The following CDK1 variants were observed in gnomAD, a reference collection of about 807,000 sequenced individuals.
CDK1 encodes cyclin-dependent kinase 1.
Under a neutral mutation model 34.6 loss-of-function variants are expected in CDK1, and 5 were observed. The observed-to-expected ratio is 0.14, with a 90% CI of 0.08 to 0.30. CDK1 has a LOEUF of 0.30. Among genes scored for constraint, CDK1 ranks in the 10% least tolerant of loss-of-function variants. CDK1 has a pLI of 1.00. For missense variants in CDK1, 157 were observed against 345.7 expected (o/e 0.45, Z 4.33); for synonymous variants, 108 against 114.7 (o/e 0.94, Z 0.37).
chr10:60,791,678 T>G (rs1314846917), intron 5 of CDK1, among the ~76,000 whole-genome samples: 1 of 152,144 alleles, frequency 6.6e-6, no homozygotes, highest in East Asian at 1.9e-4. Flanking sequence ...AAAAAATATT[T>G]ATTATGCTTT....
Position 60,788,045 on chromosome 10 carries a change from A to T in CDK1, c.319-15A>T. The T allele has an allele frequency of 7.6e-7, 1 of 1,320,516 alleles. No homozygotes were observed. The highest frequency in any genetic ancestry group is 2.2e-5 in the South Asian group (1 of 45,962). The allele number at this position is 1,320,516 out of a possible 1,614,324, so 81.8% of individuals were successfully genotyped here. On this transcript the variant is annotated splice_polypyrimidine_tract_variant and intron_variant, in intron 4 of 7. Transcript: ENST00000395284. Reference sequence around the variant, plus strand: ...TACTTCGCTTAAGTTTCTAACTTTTACTTGCTTTTTCCAGAGTTATTTATA... The same window carrying T: ...TACTTCGCTTAAGTTTCTAACTTTTTCTTGCTTTTTCCAGAGTTATTTATA...
chr10:60,780,366 C>G (rs1417312617), intron 2 of CDK1, among the ~76,000 whole-genome samples, 164 bp downstream of exon 2: 1 of 152,166 alleles, frequency 6.6e-6, no homozygotes, highest in Non-Finnish European at 1.5e-5. Context: ...CAAATTTGCT[C>G]ACATTTCAAG....
At chr10:60,791,857 A>G (rs776025071) in intron 5 of CDK1, 33 bp from the exon 6 acceptor site, 5 of 1,349,150 alleles carry the variant, frequency 3.7e-6, no homozygotes, top group Non-Finnish European at 4.2e-6. Flanking sequence ...TATGCACCAC[A>G]TTTATTCATT....
chr10:60,779,069 G>A (rs1322873814), intron 1 of CDK1, among the ~76,000 whole-genome samples: 1 of 152,200 alleles, frequency 6.6e-6, no homozygotes, highest in Non-Finnish European at 1.5e-5. Flanking sequence ...CCTGGAACTC[G>A]TGGGCCTTCT....
At chr10:60,778,963 G>A (rs924999009) in intron 1 of CDK1, among the ~76,000 whole-genome samples, 13 of 152,288 alleles carry the variant, frequency 8.5e-5, no homozygotes, top group Non-Finnish European at 2.9e-5. Flanking sequence ...GCCCCTGCGC[G>A]CCCTGCCATC....
intron 5 of CDK1, among the ~76,000 whole-genome samples, chr10:60,790,054 T>TA (rs1241203931): frequency 2.6e-5 from 4 of 152,234 alleles, no homozygotes; most frequent in African/African-American, 9.6e-5. Flanking sequence ...GAGAAAGTTT[T>TA]ATTCAGATTG....
intron 2 of CDK1, 114 bp downstream of exon 2, chr10:60,780,316 T>TA: frequency 5.9e-6 from 4 of 678,480 alleles, no homozygotes; most frequent in Non-Finnish European, 1.1e-5. Context: ...TGTCTTGTAG[T>TA]ACCAGTGTGC....
chr10:60,790,841 A>G lies in CDK1; in HGVS notation c.490-1049A>G, dbSNP rs551955336. On this transcript the variant is annotated intron_variant, in intron 5 of 7. Coordinates refer to ENST00000395284, the MANE Select transcript of CDK1 (RefSeq NM_001786.5). ...TCTCAAAAATGAGTTGACTGTAAAT[A>G]CATGGATTTATTTCTGGATTCTCTA... Among the ~76,000 whole-genome samples, 6 of 152,296 alleles carry G rather than the reference A, an allele frequency of 3.9e-5. No homozygotes were observed. The South Asian group carries it at 1.2e-3, about 32-fold the overall frequency.
rs1388532598 is a variant in CDK1, at chr10:60,794,838, C to T, written c.*863C>T. On this transcript the variant is annotated 3_prime_UTR_variant, in exon 8 of 8. Transcript: ENST00000395284. ...AAAATTACTAGCTTTGGGAATTAAA[C>T]TGTTTAACAAATAATGCTGCTCATT... The T allele has an allele frequency of 1.3e-5, 2 of 152,098 alleles. No homozygotes were observed. Among genetic ancestry groups the T allele is most frequent in the Non-Finnish European group, 2.9e-5 (2 of 67,984 alleles). The allele number at this position is 152,098 out of a possible 1,614,324, so 9.4% of individuals were successfully genotyped here.
intron 4 of CDK1, among the ~76,000 whole-genome samples, chr10:60,787,224 T>C (rs1386157388): frequency 6.6e-6 from 1 of 152,104 alleles, no homozygotes; most frequent in Non-Finnish European, 1.5e-5. Flanking sequence ...TCACTTTCAG[T>C]ACAGTATTCA....
At chr10:60,791,861 A>T in intron 5 of CDK1, 29 bp from the exon 6 acceptor site, 1 of 1,388,218 alleles carries the variant, frequency 7.2e-7, no homozygotes, top group African/African-American at 1.4e-5. Flanking sequence ...CACCACATTT[A>T]TTCATTGTAA....
At chr10:60,786,086 G>T in intron 4 of CDK1, 2 of 1,026,676 alleles carry the variant, frequency 1.9e-6, no homozygotes, top group Non-Finnish European at 2.3e-6. Context: ...ACAAAGTAAT[G>T]AAAGCCTAGG....
Position 60,791,822 on chromosome 10 carries a change from A to T in CDK1, c.490-68A>T, listed in dbSNP as rs750041033. 57 of 809,288 alleles carry T rather than the reference A, an allele frequency of 7.0e-5. No individual in the cohort carries two copies. In the Admixed American group the frequency reaches 1.2e-3, roughly 17 times the overall value. 50.1% of individuals were successfully genotyped at this position (809,288 alleles called of 1,614,324 possible). On this transcript the variant is annotated intron_variant, in intron 5 of 7. Transcript: ENST00000395284. ...TTTAAAGGACAGCCCTAATAAAAAT[A>T]TAAATGTTTAAGTGTAGGTAATTTT...
intron 2 of CDK1, among the ~76,000 whole-genome samples, chr10:60,782,249 T>A (rs1448885601): frequency 6.6e-6 from 1 of 152,236 alleles, no homozygotes; most frequent in Admixed American, 6.5e-5. Context: ...CATGTTTACT[T>A]TATTATCTGT....
intron 2 of CDK1, among the ~76,000 whole-genome samples, chr10:60,781,864 T>C (rs2080276259): frequency 6.6e-6 from 1 of 152,186 alleles, no homozygotes; most frequent in Admixed American, 6.5e-5. Flanking sequence ...CCACTGCCTA[T>C]CAGTAGTGCC....
chr10:60,784,440 G>A (rs2080298429), intron 2 of CDK1, among the ~76,000 whole-genome samples: 1 of 152,014 alleles, frequency 6.6e-6, no homozygotes, highest in African/African-American at 2.4e-5. Context: ...GACTGGCCTG[G>A]GCAACATGGT....
chr10:60,782,144 T>C (rs868319930), intron 2 of CDK1, among the ~76,000 whole-genome samples: 2 of 152,348 alleles, frequency 1.3e-5, no homozygotes, highest in Admixed American at 1.3e-4. Context: ...TTATATTTTT[T>C]CCCCTCAACT....
rs994870196 is a variant in CDK1, at chr10:60,784,547, C to T, written c.38-158C>T. 2.0e-5 allele frequency among the ~76,000 whole-genome samples: 3 copies of T among 151,912 alleles called. No homozygotes were observed. In the East Asian group the frequency reaches 5.8e-4, roughly 29 times the overall value. ...TGGGAGGCTGCCGTGGGAGGATCCC[C>T]TGAGCCCAGGAGGAGGAGGTTGTAG... On this transcript the variant is annotated intron_variant, in intron 2 of 7. Coordinates refer to ENST00000395284, the MANE Select transcript of CDK1 (RefSeq NM_001786.5).
chr10:60,779,828 C>T (rs2080256747), intron 1 of CDK1, among the ~76,000 whole-genome samples: 1 of 152,106 alleles, frequency 6.6e-6, no homozygotes, highest in Non-Finnish European at 1.5e-5. Context: ...AAAAAGGGAA[C>T]ATAATTCTGG....
Sources: gnomAD v4.1 joint callset for allele counts (sites outside exome capture counted in the v4.1 genomes callset) on GRCh38, gnomAD v4.1.1 for gene constraint, MANE v1.5 for transcripts, NCBI Gene and HGNC (gene_info 2026-07-23, HGNC 2026-07-21) for gene names.